CLVS1: variants seen among roughly 807,000 people sequenced by gnomAD.
CLVS1 encodes the protein clavesin-1.
In CLVS1, 10 loss-of-function variants were observed where a neutral mutation model predicts 33.1. The ratio of observed to expected loss-of-function variants is 0.30; its 90% CI spans 0.19 to 0.51. CLVS1 has a LOEUF of 0.51. Among genes scored for constraint, CLVS1 ranks in the 20% least tolerant of loss-of-function variants. CLVS1 has a pLI of 0.97. For missense variants in CLVS1, 343 were observed against 433.4 expected (o/e 0.79, Z 1.85); for synonymous variants, 163 against 166.1 (o/e 0.98, Z 0.14).
chr8:61,477,718 T>G (rs1461588778), intron 5 of CLVS1, among the ~76,000 whole-genome samples: 1 of 152,320 alleles, frequency 6.6e-6, no homozygotes, highest in South Asian at 2.1e-4. Context: ...GCTAGTGGTC[T>G]ATCAATTTTG....
At chr8:61,074,601 A>C (rs978175385) in intron 1 of CLVS1, among the ~76,000 whole-genome samples, 7 of 151,708 alleles carry the variant, frequency 4.6e-5, no homozygotes, top group African/African-American at 1.5e-4. Context: ...TTTGTAGATG[A>C]GTAAGATCTG....
chr8:61,192,164 G>C (rs1807498160), intron 2 of CLVS1, among the ~76,000 whole-genome samples: 1 of 152,150 alleles, frequency 6.6e-6, no homozygotes, highest in South Asian at 2.1e-4. Flanking sequence ...GCATGGTACT[G>C]GTACCAAAAT....
intron 3 of CLVS1, among the ~76,000 whole-genome samples, chr8:61,398,050 TTGGATAGAGAC>T (rs1814599896): frequency 1.3e-5 from 2 of 152,168 alleles, no homozygotes; most frequent in Non-Finnish European, 2.9e-5. Flanking sequence ...GAGCTTGGAT[TTGGATAGAGAC>T]TGCATTGACT....
intron 2 of CLVS1, among the ~76,000 whole-genome samples, chr8:61,181,709 T>TTTTTA (rs1473845040): frequency 7.0e-6 from 1 of 142,900 alleles, no homozygotes; most frequent in South Asian, 2.3e-4. Context: ...TTTTTTTTTT[T>TTTTTA]TTTTTTTTGA....
chr8:61,029,558 G>A, the CLVS1 span, among the ~76,000 whole-genome samples: 3 of 151,848 alleles, frequency 2.0e-5, no homozygotes, highest in Non-Finnish European at 2.9e-5. Context: ...GAGCCCAGGC[G>A]ATGGGCTGCT....
At chr8:61,366,906 T>C (rs766490873) in intron 2 of CLVS1, among the ~76,000 whole-genome samples, 2 of 152,180 alleles carry the variant, frequency 1.3e-5, no homozygotes, top group Non-Finnish European at 2.9e-5. Context: ...TCAAGTAATG[T>C]TAATATTAAT....
chr8:61,055,080 A>G (rs1044785716), upstream of CLVS1, among the ~76,000 whole-genome samples: 3 of 152,200 alleles, frequency 2.0e-5, no homozygotes, highest in Non-Finnish European at 2.9e-5. Flanking sequence ...TACTCTCATC[A>G]TGGAATAGAA....
chr8:61,365,782 T>A (rs73682275), intron 2 of CLVS1, among the ~76,000 whole-genome samples: 1 of 136,732 alleles, frequency 7.3e-6, no homozygotes. Context: ...TGTGCGTGTG[T>A]GTGTGTGTGT....
chr8:61,152,887 G>T (rs1806568728), intron 2 of CLVS1, among the ~76,000 whole-genome samples: 1 of 152,134 alleles, frequency 6.6e-6, no homozygotes, highest in Admixed American at 6.6e-5. Flanking sequence ...TAGTAGATTA[G>T]GAATAGGTCA....
chr8:61,092,806 C>A (rs116522783), intron 1 of CLVS1, among the ~76,000 whole-genome samples: 3 of 152,306 alleles, frequency 2.0e-5, no homozygotes, highest in African/African-American at 7.2e-5. Flanking sequence ...AATCTTAATT[C>A]CCCTTTCCCA....
At chr8:61,317,782 G>A (rs902299602) in intron 2 of CLVS1, among the ~76,000 whole-genome samples, 8 of 151,918 alleles carry the variant, frequency 5.3e-5, no homozygotes, top group Admixed American at 3.3e-4. Flanking sequence ...TTCTCATCCC[G>A]AATAAAAATG....
chr8:61,077,401 A>G (rs557111324), intron 1 of CLVS1, among the ~76,000 whole-genome samples: 1 of 151,014 alleles, frequency 6.6e-6, no homozygotes, highest in Admixed American at 6.6e-5. Context: ...GATATCATTC[A>G]ACTCTTCCTA....
rs542875428 is a variant in CLVS1, at chr8:61,128,188, CA to C, written c.-242-3581del. 2.4e-3 allele frequency among the ~76,000 whole-genome samples: 371 copies of C among 152,262 alleles called. 3 individuals carry two copies. Among genetic ancestry groups the C allele is most frequent in the African/African-American group, 7.3e-3 (305 of 41,538 alleles). On this transcript the variant is annotated intron_variant, in intron 1 of 2. Transcript: ENST00000522621. ...ATCTAATATCTCTAAAGCTATTTTC[CA>C]GTCATGATACCAAGACTTATGCATA...
At chr8:61,447,328 A>G (rs1359956657) in intron 3 of CLVS1, among the ~76,000 whole-genome samples, 1 of 151,978 alleles carries the variant, frequency 6.6e-6, no homozygotes, top group Non-Finnish European at 1.5e-5. Flanking sequence ...TTTTTAATTT[A>G]CTATGCTAAT....
intron 2 of CLVS1, among the ~76,000 whole-genome samples, chr8:61,319,619 C>T (rs141645364): frequency 2.0e-4 from 31 of 152,216 alleles, no homozygotes; most frequent in African/African-American, 6.7e-4. Context: ...GGCTTCAAGA[C>T]CCTCATTCCT....
At chr8:61,251,799 T>G (rs879895454) in intron 2 of CLVS1, among the ~76,000 whole-genome samples, 1 of 152,120 alleles carries the variant, frequency 6.6e-6, no homozygotes, top group South Asian at 2.1e-4. Context: ...TTGATCCTTC[T>G]CTCTTTTCTT....
chr8:61,184,728 A>G (rs1807308765), intron 2 of CLVS1, among the ~76,000 whole-genome samples: 1 of 152,218 alleles, frequency 6.6e-6, no homozygotes, highest in Non-Finnish European at 1.5e-5. Flanking sequence ...GTGAGAGAGA[A>G]GAGGGGAGGA....
chr8:61,302,872 A>T (rs1430236558), intron 2 of CLVS1, among the ~76,000 whole-genome samples: 2 of 152,190 alleles, frequency 1.3e-5, no homozygotes, highest in African/African-American at 4.8e-5. Context: ...ATCTTCACAT[A>T]GTGGAGCAGG....
At chr8:61,097,825 A>G (rs984376342) in intron 1 of CLVS1, among the ~76,000 whole-genome samples, 2 of 152,192 alleles carry the variant, frequency 1.3e-5, no homozygotes, top group Non-Finnish European at 2.9e-5. Context: ...GTAATTTGAA[A>G]AGGATTTTGT....
Sources: gnomAD v4.1 joint callset for allele counts (sites outside exome capture counted in the v4.1 genomes callset) on GRCh38, gnomAD v4.1.1 for gene constraint, MANE v1.5 for transcripts, NCBI Gene and HGNC (gene_info 2026-07-23, HGNC 2026-07-21) for gene names.